The following DYNC1I1 variants were observed in gnomAD, a reference collection of about 807,000 sequenced individuals.
DYNC1I1 encodes cytoplasmic dynein 1 intermediate chain 1.
A neutral mutation model predicts 86.6 loss-of-function variants in DYNC1I1; 43 were observed. The ratio of observed to expected loss-of-function variants is 0.50; its 90% CI spans 0.39 to 0.64. The LOEUF (loss-of-function observed/expected upper bound fraction) is 0.64. Ranked by LOEUF, DYNC1I1 falls within the 30% of genes least tolerant of loss-of-function variation. The pLI, the probability that DYNC1I1 is intolerant of heterozygous loss-of-function variation, is 0.00. For missense variants in DYNC1I1, 604 were observed against 788.8 expected (o/e 0.77, Z 2.81); for synonymous variants, 262 against 283.7 (o/e 0.92, Z 0.77).
At chr7:95,869,659 G>A (rs1790109361) in intron 5 of DYNC1I1, among the ~76,000 whole-genome samples, 1 of 152,138 alleles carries the variant, frequency 6.6e-6, no homozygotes. Context: ...GGAAAGCTGA[G>A]GGTCTTATCT....
At chr7:96,075,283 C>G (rs928366663) in intron 14 of DYNC1I1, among the ~76,000 whole-genome samples, 33 of 151,872 alleles carry the variant, frequency 2.2e-4, no homozygotes, top group Non-Finnish European at 4.3e-4. Flanking sequence ...GGTATGTTAA[C>G]GCATTTCCAC....
intron 6 of DYNC1I1, among the ~76,000 whole-genome samples, chr7:95,948,345 T>C (rs1390427669): frequency 2.0e-5 from 3 of 152,176 alleles, no homozygotes; most frequent in Non-Finnish European, 4.4e-5. Flanking sequence ...GGAGGGACTC[T>C]AGGCCTGCCT....
At chr7:95,824,126 G>C (rs1233069174) in intron 4 of DYNC1I1, among the ~76,000 whole-genome samples, 1 of 149,984 alleles carries the variant, frequency 6.7e-6, no homozygotes, top group Non-Finnish European at 1.5e-5. Context: ...GAGTAGCTGC[G>C]ACCACAGGCG....
chr7:95,938,468 GA>G (rs1211900976), intron 6 of DYNC1I1, among the ~76,000 whole-genome samples: 1 of 152,128 alleles, frequency 6.6e-6, no homozygotes, highest in East Asian at 1.9e-4. Context: ...GAAAATGCAG[GA>G]TAATCACATA....
intron 13 of DYNC1I1, among the ~76,000 whole-genome samples, chr7:96,036,161 C>T (rs1164716946): frequency 1.3e-5 from 2 of 152,010 alleles, no homozygotes; most frequent in Non-Finnish European, 2.9e-5. Context: ...TGGTTAATTC[C>T]TCCTCATCAT....
At chr7:95,826,073 TC>T (rs1372173183) in intron 4 of DYNC1I1, among the ~76,000 whole-genome samples, 1 of 152,198 alleles carries the variant, frequency 6.6e-6, no homozygotes, top group Non-Finnish European at 1.5e-5. Flanking sequence ...CATCTGTATG[TC>T]CTGGAGCGTG....
chr7:95,983,346 G>A (rs556856057), intron 7 of DYNC1I1, among the ~76,000 whole-genome samples: 7 of 152,302 alleles, frequency 4.6e-5, no homozygotes, highest in Non-Finnish European at 1.0e-4. Context: ...GAGGTGGGGT[G>A]TGTTAGGAGA....
chr7:96,063,711 AAC>A (rs1454640631), intron 14 of DYNC1I1, among the ~76,000 whole-genome samples: 5 of 152,236 alleles, frequency 3.3e-5, no homozygotes, highest in Non-Finnish European at 4.4e-5. Flanking sequence ...CTCCACAAAC[AAC>A]AGTCTCATAT....
intron 7 of DYNC1I1, among the ~76,000 whole-genome samples, chr7:95,979,615 T>G (rs1355294785): frequency 6.6e-6 from 1 of 152,184 alleles, no homozygotes; most frequent in Non-Finnish European, 1.5e-5. Flanking sequence ...ATGTGGAACT[T>G]TCAATAGAGA....
At chr7:96,069,252 A>G (rs906603503) in intron 14 of DYNC1I1, among the ~76,000 whole-genome samples, 1 of 152,222 alleles carries the variant, frequency 6.6e-6, no homozygotes, top group African/African-American at 2.4e-5. Flanking sequence ...GAGTTGGAGC[A>G]AAGCAATCAA....
chr7:95,935,129 C>A (rs1792004930), intron 6 of DYNC1I1, among the ~76,000 whole-genome samples: 1 of 151,888 alleles, frequency 6.6e-6, no homozygotes, highest in African/African-American at 2.4e-5. Flanking sequence ...AGTAACTTCC[C>A]ATTTTCCCCT....
chr7:96,025,844 G>GT (rs944159096), intron 10 of DYNC1I1, among the ~76,000 whole-genome samples: 7 of 151,782 alleles, frequency 4.6e-5, no homozygotes, highest in African/African-American at 1.2e-4. Flanking sequence ...AGCTTGCGGG[G>GT]GGGGGATATT....
chr7:96,029,705 G>T (rs548054011), intron 11 of DYNC1I1, among the ~76,000 whole-genome samples: 1 of 152,104 alleles, frequency 6.6e-6, no homozygotes, highest in Non-Finnish European at 1.5e-5. Flanking sequence ...CACTTGAGGG[G>T]TTCGAGACCA....
intron 14 of DYNC1I1, among the ~76,000 whole-genome samples, chr7:96,072,785 A>G (rs1350888043): frequency 6.6e-6 from 1 of 152,208 alleles, no homozygotes; most frequent in East Asian, 1.9e-4. Flanking sequence ...GAAAATTTTA[A>G]TACTTCAAAA....
chr7:96,000,976 TTTTA>T (rs1793996914), intron 10 of DYNC1I1, among the ~76,000 whole-genome samples: 1 of 152,194 alleles, frequency 6.6e-6, no homozygotes, highest in African/African-American at 2.4e-5. Flanking sequence ...TTTAAAATCG[TTTTA>T]TTTGTCTTGC....
intron 14 of DYNC1I1, among the ~76,000 whole-genome samples, chr7:96,065,615 T>C (rs1789954391): frequency 6.6e-6 from 1 of 152,158 alleles, no homozygotes; most frequent in Non-Finnish European, 1.5e-5. Flanking sequence ...CTCAAACTCC[T>C]TGGCTCAAGC....
At chr7:95,822,588 G>A (rs1212613373) in intron 4 of DYNC1I1, among the ~76,000 whole-genome samples, 1 of 152,230 alleles carries the variant, frequency 6.6e-6, no homozygotes, top group South Asian at 2.1e-4. Flanking sequence ...CCATAGAACC[G>A]TAACAGTGCC....
chr7:96,030,290 A>C (rs1230910758), intron 11 of DYNC1I1, among the ~76,000 whole-genome samples: 1 of 150,920 alleles, frequency 6.6e-6, no homozygotes, highest in Non-Finnish European at 1.5e-5. Flanking sequence ...ATACTGGAAA[A>C]ATGGGTATAC....
chr7:96,042,355 A>G (rs1789075954), intron 14 of DYNC1I1, among the ~76,000 whole-genome samples: 1 of 152,202 alleles, frequency 6.6e-6, no homozygotes. Flanking sequence ...AAAAGAATAC[A>G]TATTCACTGC....
Sources: gnomAD v4.1 joint callset for allele counts (sites outside exome capture counted in the v4.1 genomes callset) on GRCh38, gnomAD v4.1.1 for gene constraint, MANE v1.5 for transcripts, NCBI Gene and HGNC (gene_info 2026-07-23, HGNC 2026-07-21) for gene names.